Variants in BABAM2 observed in about 807,000 individuals in gnomAD.
BABAM2 encodes BRISC and BRCA1-A complex member 2.
Under a neutral mutation model 54.7 loss-of-function variants are expected in BABAM2, and 31 were observed. The observed-to-expected ratio is 0.57, with a 90% CI of 0.43 to 0.77. BABAM2 has a LOEUF of 0.77. Ranked by LOEUF, BABAM2 falls within the 30% of genes least tolerant of loss-of-function variation. The probability of loss-of-function intolerance (pLI) is 0.00; values close to 1 mark genes in which losing one functional copy is unlikely to be tolerated. For synonymous variants in BABAM2, 167 were observed against 162.9 expected (o/e 1.03, Z -0.19); for missense variants, 364 against 455.8 (o/e 0.80, Z 1.83).
At chr2:28,249,556 A>C (rs1464790076) in intron 10 of BABAM2, among the ~76,000 whole-genome samples, 1 of 152,210 alleles carries the variant, frequency 6.6e-6, no homozygotes, top group Non-Finnish European at 1.5e-5. Context: ...GTCAAGGTGA[A>C]GTACAATGGT....
chr2:27,916,347 A>G (rs1001378261), intron 2 of BABAM2, among the ~76,000 whole-genome samples: 1 of 152,236 alleles, frequency 6.6e-6, no homozygotes, highest in Admixed American at 6.5e-5. Context: ...TACTTCTTAT[A>G]AAATAACACT....
chr2:28,109,047 A>G (rs1667762427), intron 6 of BABAM2, among the ~76,000 whole-genome samples: 1 of 152,154 alleles, frequency 6.6e-6, no homozygotes, highest in Non-Finnish European at 1.5e-5. Flanking sequence ...TTACAAATGA[A>G]TCTTTCTCCT....
chr2:28,211,445 T>C (rs1401598705), intron 7 of BABAM2, among the ~76,000 whole-genome samples: 1 of 134,568 alleles, frequency 7.4e-6, no homozygotes, highest in African/African-American at 2.7e-5. Flanking sequence ...TGGAGTACAG[T>C]GGCGTGATCT....
intron 11 of BABAM2, among the ~76,000 whole-genome samples, chr2:28,300,261 G>C (rs1688006475): frequency 1.3e-5 from 2 of 151,986 alleles, no homozygotes; most frequent in South Asian, 4.2e-4. Flanking sequence ...ATAATGTCAG[G>C]GTGTCTTCTT....
At chr2:28,319,935 G>C (rs1410676232) in intron 11 of BABAM2, among the ~76,000 whole-genome samples, 19 of 152,208 alleles carry the variant, frequency 1.2e-4, no homozygotes, top group Non-Finnish European at 7.3e-5. Flanking sequence ...GTTCCCCACT[G>C]CGCAGTGTGT....
intron 3 of BABAM2, among the ~76,000 whole-genome samples, chr2:27,951,127 A>G (rs1023523745): frequency 6.6e-6 from 1 of 152,138 alleles, no homozygotes; most frequent in Admixed American, 6.5e-5. Context: ...GGTTTCATCC[A>G]TCTTCTCTGT....
At chr2:27,935,675 G>A (rs1242085141) in intron 3 of BABAM2, among the ~76,000 whole-genome samples, 1 of 152,196 alleles carries the variant, frequency 6.6e-6, no homozygotes, top group East Asian at 1.9e-4. Context: ...ACAGTATCTT[G>A]TGCTATAGAG....
intron 5 of BABAM2, among the ~76,000 whole-genome samples, chr2:28,040,294 CTTTTT>C (rs397735161): frequency 1.1e-3 from 67 of 59,490 alleles, no homozygotes; most frequent in Middle Eastern, 0.013. Context: ...AAACTGAATT[CTTTTT>C]TTTTTTTTTT....
chr2:27,941,022 GT>G (rs1668837494), intron 3 of BABAM2, among the ~76,000 whole-genome samples: 3 of 152,270 alleles, frequency 2.0e-5, no homozygotes, highest in South Asian at 4.2e-4. Flanking sequence ...CACCAGAGAG[GT>G]TGTCATTGAG....
At chr2:27,909,933 T>C (rs552604215) in intron 2 of BABAM2, among the ~76,000 whole-genome samples, 118 of 152,376 alleles carry the variant, frequency 7.7e-4, no homozygotes, top group African/African-American at 2.7e-3. Context: ...AATTTTTCAT[T>C]GTAATGTAAG....
chr2:28,277,530 C>T (rs1685982588), intron 10 of BABAM2, among the ~76,000 whole-genome samples: 1 of 152,150 alleles, frequency 6.6e-6, no homozygotes, highest in Non-Finnish European at 1.5e-5. Context: ...GACATGGTTG[C>T]AAAAGCAAAT....
chr2:28,088,018 C>T (rs61674243), intron 6 of BABAM2, among the ~76,000 whole-genome samples: 1 of 152,094 alleles, frequency 6.6e-6, no homozygotes, highest in East Asian at 1.9e-4. Flanking sequence ...CAGAAGTCTT[C>T]ATCACAATAT....
At chr2:27,935,481 A>G (rs1288755785) in intron 3 of BABAM2, among the ~76,000 whole-genome samples, 1 of 152,262 alleles carries the variant, frequency 6.6e-6, no homozygotes, top group African/African-American at 2.4e-5. Flanking sequence ...CTTCTTGCAG[A>G]TAAGCAAAGA....
intron 7 of BABAM2, among the ~76,000 whole-genome samples, chr2:28,165,227 T>C (rs1373519365): frequency 6.6e-6 from 1 of 152,264 alleles, no homozygotes; most frequent in East Asian, 1.9e-4. Context: ...CTTTGAGGAA[T>C]GTGAAGGGTG....
chr2:28,010,880 A>G (rs574931365), intron 4 of BABAM2, among the ~76,000 whole-genome samples: 46 of 152,176 alleles, frequency 3.0e-4, no homozygotes, highest in Admixed American at 4.6e-4. Flanking sequence ...TTGTTACTCC[A>G]ATTCAGACTT....
At chr2:27,983,290 G>A (rs1324820064) in intron 3 of BABAM2, among the ~76,000 whole-genome samples, 1 of 151,990 alleles carries the variant, frequency 6.6e-6, no homozygotes. Context: ...TAAATTTGAA[G>A]GTTTATTTAT....
chr2:28,271,777 T>C (rs139907536), intron 10 of BABAM2, among the ~76,000 whole-genome samples: 271 of 152,368 alleles, frequency 1.8e-3, no homozygotes, highest in African/African-American at 5.9e-3. Context: ...AAATTGTACA[T>C]TTAAAACAAG....
At chr2:28,186,418 G>A (rs955928120) in intron 7 of BABAM2, among the ~76,000 whole-genome samples, 3 of 152,126 alleles carry the variant, frequency 2.0e-5, no homozygotes, top group Admixed American at 6.5e-5. Context: ...TTTAGAGGAT[G>A]TTACACTTTA....
intron 6 of BABAM2, among the ~76,000 whole-genome samples, chr2:28,088,108 C>G (rs1486565065): frequency 1.3e-5 from 2 of 152,156 alleles, no homozygotes; most frequent in Non-Finnish European, 2.9e-5. Context: ...AACACATAGA[C>G]ACACACAGGA....
Sources: allele counts gnomAD v4.1 joint callset (sites outside exome capture counted in the v4.1 genomes callset), GRCh38; gene constraint gnomAD v4.1.1; transcripts MANE v1.5; gene names NCBI Gene and HGNC (gene_info 2026-07-23, HGNC 2026-07-21).